C3orf20: variants seen among roughly 807,000 people sequenced by gnomAD.
C3orf20 encodes family with sequence similarity 149 member C, also known as uncharacterized protein C3orf20.
Under a neutral mutation model 88.3 loss-of-function variants are expected in C3orf20, and 76 were observed. The observed-to-expected ratio is 0.86, with a 90% CI of 0.72 to 1.04. The LOEUF (loss-of-function observed/expected upper bound fraction) is 1.04. C3orf20 is among the 50% of genes least tolerant of loss of function. C3orf20 has a pLI of 0.00. For synonymous variants in C3orf20, 436 were observed against 437.4 expected, an observed-to-expected ratio of 1.00 and a Z score of 0.04; for missense variants, 1,056 against 1,123.3, an observed-to-expected ratio of 0.94 and a Z score of 0.86.
At chr3:14,680,081 C>T (rs2032005750) in intron 1 of C3orf20, among the ~76,000 whole-genome samples, 1 of 152,210 alleles carries the variant, frequency 6.6e-6, no homozygotes, top group Non-Finnish European at 1.5e-5. Context: ...TGAAATGTTA[C>T]AGCAGTCTGG....
intron 12 of C3orf20, among the ~76,000 whole-genome samples, chr3:14,742,938 A>G (rs1484902441): frequency 4.6e-5 from 7 of 152,092 alleles, no homozygotes; most frequent in Admixed American, 4.6e-4. Context: ...TCCCTCCCAC[A>G]ACACGTGGGA....
rs1280772346 is a variant in C3orf20 at position 14,772,030 on chromosome 3, G to T, written c.2496-37G>T. ...TGGGACAGCGTGCAGTGCACCCTGG[G>T]CCCTGAGCACTGCCCCCGACCCTGC... On this transcript the variant is annotated intron_variant, in intron 15 of 16. Coordinates refer to ENST00000253697, the MANE Select transcript of C3orf20 (RefSeq NM_032137.5). This position sits in a 1 kb window ranked among gnomAD's most constrained non-coding sequence, Gnocchi z 4.2. 6.2e-7 allele frequency: 1 copy of T among 1,613,160 alleles called. No homozygotes were observed. The highest frequency in any genetic ancestry group is 8.5e-7 in the Non-Finnish European group (1 of 1,179,522).
chr3:14,710,361 C>T (rs879743522), intron 7 of C3orf20, among the ~76,000 whole-genome samples: 2 of 151,804 alleles, frequency 1.3e-5, no homozygotes, highest in Admixed American at 6.6e-5. Context: ...CACTCTGATT[C>T]TTTATTGCTT....
At chr3:14,764,749 A>G (rs568869370) in intron 15 of C3orf20, among the ~76,000 whole-genome samples, 135 of 152,290 alleles carry the variant, frequency 8.9e-4, no homozygotes, top group Non-Finnish European at 1.6e-3. Context: ...TCCTCACAAC[A>G]TGGTGGCTGG....
intron 12 of C3orf20, among the ~76,000 whole-genome samples, chr3:14,750,554 TAAA>T (rs3038830): frequency 9.1e-5 from 13 of 142,498 alleles, no homozygotes; most frequent in African/African-American, 1.3e-4. Flanking sequence ...GACCCTGTCT[TAAA>T]AAAAAAAAAA....
At chr3:14,763,126 C>T (rs552294217) in intron 15 of C3orf20, among the ~76,000 whole-genome samples, 10 of 152,134 alleles carry the variant, frequency 6.6e-5, no homozygotes, top group African/African-American at 1.7e-4. Flanking sequence ...GACAGGGGGA[C>T]GCTATTGGGA....
chr3:14,771,032 T>G (rs1266215685), intron 15 of C3orf20, among the ~76,000 whole-genome samples: 1 of 152,162 alleles, frequency 6.6e-6, no homozygotes, highest in Admixed American at 6.5e-5. Flanking sequence ...CCCCCCAAAG[T>G]TCATGTGTTG....
At chr3:14,711,586 A>G (rs2033738059) in intron 7 of C3orf20, among the ~76,000 whole-genome samples, 1 of 134,430 alleles carries the variant, frequency 7.4e-6, no homozygotes, top group Non-Finnish European at 1.6e-5. Flanking sequence ...GACACGGCAT[A>G]TGGTTGAATT....
In C3orf20 at chr3:14,772,908, C is replaced by T. The variant is rs777511454; in HGVS notation, c.*33C>T. On this transcript the variant is annotated 3_prime_UTR_variant, in exon 17 of 17. Coordinates refer to ENST00000253697, the MANE Select transcript of C3orf20 (RefSeq NM_032137.5). The surrounding 1 kb of genome is among the most constrained non-coding windows in gnomAD (Gnocchi z 4.2). The stretch of plus-strand genomic sequence containing the variant: ...CTGGCAGCAGCCAAGTGAGCCAGGC[C>T]CCGGCCCGGGGTGCTGGGGCTTCTT... The T allele has an allele frequency of 2.5e-6, 4 of 1,574,292 alleles. No homozygotes were observed. In the South Asian group the frequency reaches 4.4e-5, roughly 17 times the overall value.
intron 4 of C3orf20, among the ~76,000 whole-genome samples, chr3:14,685,493 C>CGT (rs1233005428): frequency 1.1e-4 from 14 of 130,564 alleles, no homozygotes; most frequent in South Asian, 2.3e-4. Flanking sequence ...TGCGTGCGTG[C>CGT]GTGTGTGTGT....
chr3:14,715,230 G>A, intron 8 of C3orf20, 59 bp from the exon 9 acceptor site: 2 of 1,586,114 alleles, frequency 1.3e-6, no homozygotes, highest in Non-Finnish European at 1.7e-6. Flanking sequence ...ATAACCTGCG[G>A]TGATGAGAGC....
intron 9 of C3orf20, among the ~76,000 whole-genome samples, chr3:14,720,759 T>G (rs2034129482): frequency 1.3e-5 from 2 of 152,374 alleles, no homozygotes; most frequent in South Asian, 4.1e-4. Flanking sequence ...GCCTTAAATG[T>G]GAATTGCTCT....
Position 14,682,651 on chromosome 3 carries a change from G to A in C3orf20, c.-63G>A. 1 of 1,541,434 alleles carries A rather than the reference G, an allele frequency of 6.5e-7. No individual in the cohort carries two copies. Among genetic ancestry groups the A allele is most frequent in the Non-Finnish European group, 8.7e-7 (1 of 1,146,860 alleles). ...TGTCCATCTCCAAGCCTTCACCGTAGGGAAGAACTTTTGCTCTCAGTCACC... is the reference window on the plus strand; with the variant it reads ...TGTCCATCTCCAAGCCTTCACCGTAAGGAAGAACTTTTGCTCTCAGTCACC... On this transcript the variant is annotated 5_prime_UTR_variant, in exon 3 of 17. It removes the in-frame stop codon of an upstream open reading frame in the 5' UTR. Transcript: ENST00000253697.
chr3:14,678,290 C>T (rs2031893045), intron 1 of C3orf20, among the ~76,000 whole-genome samples: 1 of 152,234 alleles, frequency 6.6e-6, no homozygotes. Context: ...ACTAGTGTCA[C>T]ACGTGGCCAT....
chr3:14,750,073 T>C (rs1374367124), intron 12 of C3orf20, among the ~76,000 whole-genome samples: 2 of 152,180 alleles, frequency 1.3e-5, no homozygotes, highest in Non-Finnish European at 2.9e-5. Flanking sequence ...GTTACCTTTA[T>C]CAGTGTTCTT....
Position 14,728,020 on chromosome 3 carries a change from A to G in C3orf20, c.1691-419A>G, listed in dbSNP as rs116811691. 2.2e-3 allele frequency among the ~76,000 whole-genome samples: 328 copies of G among 152,252 alleles called. 1 individual carries two copies. Among genetic ancestry groups the G allele is most frequent in the African/African-American group, 7.6e-3 (314 of 41,546 alleles). On this transcript the variant is annotated intron_variant, in intron 11 of 16. Coordinates refer to ENST00000253697, the MANE Select transcript of C3orf20 (RefSeq NM_032137.5). ...CTAGTAGGGAAAGCAAGACAAGAAT[A>G]TAAATAAATACAATACAACAAAGAA...
At chr3:14,755,856 C>T (rs562968398) in intron 12 of C3orf20, among the ~76,000 whole-genome samples, 15 of 151,858 alleles carry the variant, frequency 9.9e-5, no homozygotes, top group Admixed American at 2.6e-4. Context: ...GGTGAAACCC[C>T]GTCTCTACTA....
intron 12 of C3orf20, among the ~76,000 whole-genome samples, chr3:14,754,807 C>T (rs920741184): frequency 2.0e-5 from 3 of 152,162 alleles, no homozygotes; most frequent in African/African-American, 7.2e-5. Context: ...TCACTATAAC[C>T]TCGAACTCCT....
At chr3:14,770,783 G>A (rs2035840009) in intron 15 of C3orf20, among the ~76,000 whole-genome samples, 1 of 152,166 alleles carries the variant, frequency 6.6e-6, no homozygotes, top group South Asian at 2.1e-4. Flanking sequence ...GACTTACTAT[G>A]TGCCCGTGAA....
Sources: allele counts gnomAD v4.1 joint callset (sites outside exome capture counted in the v4.1 genomes callset), GRCh38; gene constraint gnomAD v4.1.1; non-coding constraint Gnocchi (gnomAD v3.1); transcripts MANE v1.5; gene names NCBI Gene and HGNC (gene_info 2026-07-23, HGNC 2026-07-21).